Variants in ATXN10 observed in about 807,000 individuals in gnomAD.
ATXN10 encodes the protein ataxin 10, also known as ataxin-10.
A neutral mutation model predicts 52.9 loss-of-function variants in ATXN10; 28 were observed. The ratio of observed to expected loss-of-function variants is 0.53; its 90% confidence interval spans 0.39 to 0.73. ATXN10 has a LOEUF of 0.73. Ranked by LOEUF, ATXN10 falls within the 30% of genes least tolerant of loss-of-function variation. ATXN10 has a pLI of 0.00. For synonymous variants in ATXN10, 226 were observed against 221.5 expected (o/e 1.02, Z -0.18); for missense variants, 565 against 577.0 (o/e 0.98, Z 0.21).
At position 45,818,915 on chromosome 22, in the gene ATXN10, C is replaced by T. The variant is rs188758288; in HGVS notation, c.1237+11893C>T. Among the ~76,000 whole-genome samples the T allele has an allele frequency of 6.6e-6, 1 of 152,290 alleles. No individual in the cohort carries two copies. The highest frequency in any genetic ancestry group is 1.5e-5 in the Non-Finnish European group (1 of 68,024). On this transcript the variant is annotated intron_variant, in intron 10 of 11. Coordinates refer to ENST00000252934, the MANE Select transcript of ATXN10 (RefSeq NM_013236.4). This position sits in a 1 kb window ranked among gnomAD's most constrained non-coding sequence, Gnocchi z 4.6. Reference sequence around the variant, plus strand: ...CAGGCTGATGGCAGCATCCTGGGGCCTGACCTTGGTGCACTGTGTCTCTGG... The same window carrying T: ...CAGGCTGATGGCAGCATCCTGGGGCTTGACCTTGGTGCACTGTGTCTCTGG...
intron 10 of ATXN10, among the ~76,000 whole-genome samples, chr22:45,812,857 T>G (rs1928328412): frequency 2.0e-5 from 3 of 152,166 alleles, no homozygotes; most frequent in African/African-American, 4.8e-5. Context: ...ATTCCACTTT[T>G]GTCGGCCACC....
In ATXN10 at chr22:45,715,664, C is replaced by T. The variant is rs1924418280; in HGVS notation, c.648-2749C>T. On this transcript the variant is annotated intron_variant, in intron 5 of 11. Coordinates refer to ENST00000252934, the MANE Select transcript of ATXN10 (RefSeq NM_013236.4). This position sits in a 1 kb window ranked among gnomAD's most constrained non-coding sequence, Gnocchi z 4.4. The stretch of plus-strand genomic sequence containing the variant: ...GCTGATACAGATGATCTTGGTAGTA[C>T]TGTCGTAGGTAGCCACCTTCACCTG... Among the ~76,000 whole-genome samples the T allele has an allele frequency of 6.6e-6, 1 of 152,214 alleles. No homozygotes were observed. Among genetic ancestry groups the T allele is most frequent in the Non-Finnish European group, 1.5e-5 (1 of 68,038 alleles).
At position 45,805,915 on chromosome 22, in the gene ATXN10, T is replaced by C. The variant is rs1928084634; in HGVS notation, c.1174-1044T>C. Among the ~76,000 whole-genome samples, 1 of 152,186 alleles carries C rather than the reference T, an allele frequency of 6.6e-6. No individual in the cohort carries two copies. Among genetic ancestry groups the C allele is most frequent in the Non-Finnish European group, 1.5e-5 (1 of 68,032 alleles). On this transcript the variant is annotated intron_variant, in intron 9 of 11. Transcript: ENST00000252934. This position sits in a 1 kb window ranked among gnomAD's most constrained non-coding sequence, Gnocchi z 4.4. ...CAGTCACTCATGCCGATAATCCCAGTGCTTTGGGAGACCAAGGCAGGAGGA... is the reference window on the plus strand; with the variant it reads ...CAGTCACTCATGCCGATAATCCCAGCGCTTTGGGAGACCAAGGCAGGAGGA...
chr22:45,769,744 C>G lies in ATXN10; in HGVS notation c.1173+29206C>G, dbSNP rs758146941. Among the ~76,000 whole-genome samples, 2 of 152,102 alleles carry G rather than the reference C, an allele frequency of 1.3e-5. No individual in the cohort carries two copies. Among genetic ancestry groups the G allele is most frequent in the African/African-American group, 4.8e-5 (2 of 41,424 alleles). ...CCAGGCCTCTTTTCTCTTGCCTTCTCGAGTAGCCTGACAAGATGTCTGCCA... is the reference window on the plus strand; with the variant it reads ...CCAGGCCTCTTTTCTCTTGCCTTCTGGAGTAGCCTGACAAGATGTCTGCCA... On this transcript the variant is annotated intron_variant, in intron 9 of 11. Coordinates refer to ENST00000252934, the MANE Select transcript of ATXN10 (RefSeq NM_013236.4). The surrounding 1 kb of genome is among the most constrained non-coding windows in gnomAD (Gnocchi z 4.2).
Position 45,690,015 on chromosome 22 carries a change from G to A in ATXN10, c.308+112G>A, listed in dbSNP as rs1923309724. ...GGGCTGGGTAAGGTGGCTCATGCCT[G>A]TAATCCCAGCATTTTGGGAGGCTGA... is the stretch of plus-strand genomic sequence containing the variant. On this transcript the variant is annotated intron_variant, in intron 2 of 11. Transcript: ENST00000252934. The surrounding 1 kb of genome is among the most constrained non-coding windows in gnomAD (Gnocchi z 4.5). 3 of 1,098,406 alleles carry A rather than the reference G, an allele frequency of 2.7e-6. No homozygotes were observed. The highest frequency in any genetic ancestry group is 5.0e-5 in the East Asian group (2 of 39,882). 68.0% of individuals were successfully genotyped at this position (1,098,406 alleles called of 1,614,324 possible).
intron 2 of ATXN10, among the ~76,000 whole-genome samples, chr22:45,692,227 C>G (rs192755802): frequency 6.6e-6 from 1 of 152,046 alleles, no homozygotes; most frequent in African/African-American, 2.4e-5. Flanking sequence ...TATATGCAAA[C>G]TATAAAAATT....
At chr22:45,777,695 CAG>C (rs1448208907) in intron 9 of ATXN10, among the ~76,000 whole-genome samples, 4 of 152,224 alleles carry the variant, frequency 2.6e-5, no homozygotes, top group Non-Finnish European at 4.4e-5. Context: ...CTTGTGAAAA[CAG>C]ATTTTGGATT....
chr22:45,746,953 G>C (rs1448953931), intron 9 of ATXN10, among the ~76,000 whole-genome samples: 2 of 152,152 alleles, frequency 1.3e-5, no homozygotes, highest in African/African-American at 2.4e-5. Context: ...GCAGAACTGT[G>C]ACATATGAAA....
chr22:45,769,269 A>G lies in ATXN10; in HGVS notation c.1173+28731A>G, dbSNP rs1238544813. Among the ~76,000 whole-genome samples the G allele has an allele frequency of 6.6e-6, 1 of 152,156 alleles. No individual in the cohort carries two copies. Among genetic ancestry groups the G allele is most frequent in the East Asian group, 1.9e-4 (1 of 5,180 alleles). ...GCTTTATCAAAAGAGTAACGTGTGC[A>G]GATGGGCGCCGTTCATCCCCTCTCC... On this transcript the variant is annotated intron_variant, in intron 9 of 11. Transcript: ENST00000252934. This position sits in a 1 kb window ranked among gnomAD's most constrained non-coding sequence, Gnocchi z 4.2.
Position 45,843,902 on chromosome 22 carries a change from A to T in ATXN10, c.*231A>T. 1 of 583,860 alleles carries T rather than the reference A, an allele frequency of 1.7e-6. No homozygotes were observed. Among genetic ancestry groups the T allele is most frequent in the Non-Finnish European group, 3.0e-6 (1 of 328,794 alleles). The allele number at this position is 583,860 out of a possible 1,614,324, so 36.2% of individuals were successfully genotyped here. ...GTGGTTTGCCTTTGTCCCCCTGGATAGAACGTGCATTTAAAGAATATATTG... is the reference window on the plus strand; with the variant it reads ...GTGGTTTGCCTTTGTCCCCCTGGATTGAACGTGCATTTAAAGAATATATTG... On this transcript the variant is annotated 3_prime_UTR_variant, in exon 12 of 12. Transcript: ENST00000252934. This position sits in a 1 kb window ranked among gnomAD's most constrained non-coding sequence, Gnocchi z 4.5.
At chr22:45,822,071 A>G (rs1928667391) in intron 10 of ATXN10, among the ~76,000 whole-genome samples, 2 of 152,224 alleles carry the variant, frequency 1.3e-5, no homozygotes, top group South Asian at 4.1e-4. Context: ...TGAAGTTCAT[A>G]TAAACGGAAT....
At chr22:45,812,513 T>C (rs1928316240) in intron 10 of ATXN10, among the ~76,000 whole-genome samples, 1 of 152,182 alleles carries the variant, frequency 6.6e-6, no homozygotes, top group African/African-American at 2.4e-5. Context: ...AAGAGAAATG[T>C]CTCCCATGAG....
rs1555892689 is a variant in ATXN10 at position 45,751,763 on chromosome 22, A to ATAATAATAATAATAATAATAAT, written c.1173+11225_1173+11226insTAATAATAATAATAATAATAAT. Among the ~76,000 whole-genome samples, 4 of 66,610 alleles carry ATAATAATAATAATAATAATAAT rather than the reference A, an allele frequency of 6.0e-5. No individual in the cohort carries two copies. The East Asian group carries it at 1.2e-3, about 20-fold the overall frequency. The allele number at this position is 66,610 out of a possible 152,430, so 43.7% of individuals were successfully genotyped here. The stretch of plus-strand genomic sequence containing the variant: ...TGGAAAAAAAAAAAAAATAAAAAAA[A>ATAATAATAATAATAATAATAAT]AATAATAATAATAATAATAATAATA... On this transcript the variant is annotated intron_variant, in intron 9 of 11. Coordinates refer to ENST00000252934, the MANE Select transcript of ATXN10 (RefSeq NM_013236.4).
At position 45,733,060 on chromosome 22, in the gene ATXN10, G is replaced by A. The variant is rs1402360955; in HGVS notation, c.894+3470G>A. Among the ~76,000 whole-genome samples, 1 of 152,014 alleles carries A rather than the reference G, an allele frequency of 6.6e-6. No individual in the cohort carries two copies. The highest frequency in any genetic ancestry group is 1.9e-4 in the East Asian group (1 of 5,190). On this transcript the variant is annotated intron_variant, in intron 7 of 11. Coordinates refer to ENST00000252934, the MANE Select transcript of ATXN10 (RefSeq NM_013236.4). This position sits in a 1 kb window ranked among gnomAD's most constrained non-coding sequence, Gnocchi z 4.4. ...TTATTCCTGTCTTTTGATATATTTT[G>A]TATACTTGTTTCCAGTTTTTGATAT...
intron 1 of ATXN10, among the ~76,000 whole-genome samples, chr22:45,685,739 G>GTAAATA (rs1923111157): frequency 6.6e-6 from 1 of 152,102 alleles, no homozygotes; most frequent in Non-Finnish European, 1.5e-5. Flanking sequence ...CTGAATAAAA[G>GTAAATA]CTTCTTTGTC....
At chr22:45,717,228 C>G (rs1924483055) in intron 5 of ATXN10, among the ~76,000 whole-genome samples, 1 of 152,102 alleles carries the variant, frequency 6.6e-6, no homozygotes, top group Admixed American at 6.6e-5. Context: ...ATTATATAAT[C>G]CTTAATGTGT....
Position 45,754,836 on chromosome 22 carries a change from C to A in ATXN10, c.1173+14298C>A, listed in dbSNP as rs540229927. Among the ~76,000 whole-genome samples the A allele has an allele frequency of 3.3e-5, 5 of 152,350 alleles. No individual in the cohort carries two copies. Among genetic ancestry groups the A allele is most frequent in the African/African-American group, 1.2e-4 (5 of 41,578 alleles). On this transcript the variant is annotated intron_variant, in intron 9 of 11. Transcript: ENST00000252934. This position sits in a 1 kb window ranked among gnomAD's most constrained non-coding sequence, Gnocchi z 5.4. ...TGCCACTGCACTCCAGCCTGGGCAACAGAGTGAGACTCTGTCTCAAAAAAT... is the reference window on the plus strand; with the variant it reads ...TGCCACTGCACTCCAGCCTGGGCAAAAGAGTGAGACTCTGTCTCAAAAAAT...
At chr22:45,726,778 C>G (rs773026390) in intron 6 of ATXN10, among the ~76,000 whole-genome samples, 36 of 152,140 alleles carry the variant, frequency 2.4e-4, no homozygotes, top group Non-Finnish European at 5.0e-4. Context: ...CCTTCCTGGG[C>G]TGAAGTGATC....
At chr22:45,751,763 A>AAATAATAATAATAAT (rs1165303275) in intron 9 of ATXN10, among the ~76,000 whole-genome samples, 55 of 66,600 alleles carry the variant, frequency 8.3e-4, no homozygotes, top group Non-Finnish European at 1.2e-3. Context: ...AATAAAAAAA[A>AAATAATAATAATAAT]AATAATAATA....
Sources: gnomAD v4.1 joint callset for allele counts (sites outside exome capture counted in the v4.1 genomes callset) on GRCh38, gnomAD v4.1.1 for gene constraint, Gnocchi (gnomAD v3.1) non-coding constraint, MANE v1.5 for transcripts, NCBI Gene and HGNC (gene_info 2026-07-23, HGNC 2026-07-21) for gene names.